TDRD10: variants seen among roughly 807,000 people sequenced by gnomAD.
The protein encoded by TDRD10 is tudor domain-containing protein 10.
Under a neutral mutation model 48.0 loss-of-function variants are expected in TDRD10, and 40 were observed. The ratio of observed to expected loss-of-function variants is 0.83; its 90% confidence interval spans 0.65 to 1.09. The LOEUF (loss-of-function observed/expected upper bound fraction) is 1.09, where lower values mean the gene tolerates loss of function less well. Ranked by LOEUF, TDRD10 falls within the 50% of genes least tolerant of loss-of-function variation. The probability of loss-of-function intolerance (pLI) is 0.00; values close to 1 mark genes in which losing one functional copy is unlikely to be tolerated. For missense variants in TDRD10, 378 were observed against 434.7 expected (o/e 0.87, Z 1.16); for synonymous variants, 162 against 170.4 (o/e 0.95, Z 0.38).
chr1:154,547,754 C>T lies in TDRD10; in HGVS notation c.*44C>T. ...GTTCCCTCTCCTGTTTGCCACGGAT[C>T]CAGAGGCCACCTGCCCTGTCTTCTC... On this transcript the variant is annotated 3_prime_UTR_variant, in exon 13 of 13. Coordinates refer to ENST00000368482, the MANE Select transcript of TDRD10 (RefSeq NM_182499.4). The T allele has an allele frequency of 1.2e-6, 2 of 1,606,760 alleles. No homozygotes were observed. The highest frequency in any genetic ancestry group is 1.7e-6 in the Non-Finnish European group (2 of 1,174,874).
Position 154,502,786 on chromosome 1 carries a change from G to T in TDRD10, c.-271G>T, listed in dbSNP as rs1692864556. ...AGACGTTATTTTTGGCGGTAGGGCA[G>T]AGGTTGCGGCCCGAGGTCCGGGCGC... On this transcript the variant is annotated 5_prime_UTR_variant, in exon 1 of 13. Coordinates refer to ENST00000368482, the MANE Select transcript of TDRD10 (RefSeq NM_182499.4). 1 of 152,340 alleles carries T rather than the reference G, an allele frequency of 6.6e-6. No individual in the cohort carries two copies. Among genetic ancestry groups the T allele is most frequent in the South Asian group, 2.1e-4 (1 of 4,832 alleles). 9.4% of individuals were successfully genotyped at this position (152,340 alleles called of 1,614,324 possible). A position where few individuals can be genotyped will look rare whatever the true frequency, so the allele number is the denominator to read the frequency against.
At chr1:154,533,551 T>C (rs1001515949) in intron 6 of TDRD10, among the ~76,000 whole-genome samples, 5 of 152,248 alleles carry the variant, frequency 3.3e-5, no homozygotes, top group Admixed American at 3.3e-4. Flanking sequence ...TTACATGTAA[T>C]GTCCTGGGCT....
At chr1:154,503,229 AG>A (rs1286274778) in intron 1 of TDRD10, among the ~76,000 whole-genome samples, 200 bp downstream of exon 1, 1 of 151,994 alleles carries the variant, frequency 6.6e-6, no homozygotes, top group Non-Finnish European at 1.5e-5. Flanking sequence ...TGCCGTGTGC[AG>A]AACTGTGGCC....
At chr1:154,510,097 G>A (rs1363653678) in intron 4 of TDRD10, among the ~76,000 whole-genome samples, 1 of 152,112 alleles carries the variant, frequency 6.6e-6, no homozygotes, top group Non-Finnish European at 1.5e-5. Flanking sequence ...TAGAGAAGGA[G>A]TAGGGTTTTA....
chr1:154,510,300 A>C (rs1468473324), intron 4 of TDRD10, among the ~76,000 whole-genome samples: 1 of 151,962 alleles, frequency 6.6e-6, no homozygotes, highest in Non-Finnish European at 1.5e-5. Flanking sequence ...ACTGTCAAGA[A>C]CTGTGAAATG....
At chr1:154,539,823 A>G (rs1695125212) in intron 6 of TDRD10, among the ~76,000 whole-genome samples, 1 of 152,248 alleles carries the variant, frequency 6.6e-6, no homozygotes, top group Non-Finnish European at 1.5e-5. Flanking sequence ...CCGGAGAACT[A>G]AAATATGATG....
At chr1:154,518,935 G>T (rs897609509) in intron 4 of TDRD10, among the ~76,000 whole-genome samples, 4 of 152,182 alleles carry the variant, frequency 2.6e-5, no homozygotes, top group African/African-American at 9.7e-5. Context: ...TAAAACCTGA[G>T]AAGAAAACTA....
Position 154,502,736 on chromosome 1 carries a change from C to T in TDRD10, c.-321C>T. ...GGGAAGGAAGCCCCTCGCCCACCCA[C>T]TCCGCTCTACTCCACTCTTTCTGCA... On this transcript the variant is annotated 5_prime_UTR_variant, in exon 1 of 13. Coordinates refer to ENST00000368482, the MANE Select transcript of TDRD10 (RefSeq NM_182499.4). 6.6e-6 allele frequency: 1 copy of T among 152,270 alleles called. No homozygotes were observed. Among genetic ancestry groups the T allele is most frequent in the East Asian group, 1.9e-4 (1 of 5,186 alleles). The allele number at this position is 152,270 out of a possible 1,614,324, so 9.4% of individuals were successfully genotyped here.
chr1:154,511,400 G>A (rs1181311820), intron 4 of TDRD10, among the ~76,000 whole-genome samples: 3 of 152,030 alleles, frequency 2.0e-5, no homozygotes, highest in Non-Finnish European at 2.9e-5. Context: ...TTGGGAGGCC[G>A]AGGTGGCCGG....
At chr1:154,507,026 G>A (rs1693185778) in intron 2 of TDRD10, 121 bp downstream of exon 2, 1 of 1,596,114 alleles carries the variant, frequency 6.3e-7, no homozygotes, top group East Asian at 2.2e-5. Context: ...CTTGCCAGTT[G>A]ATCCTAACTC....
chr1:154,521,551 A>C, intron 6 of TDRD10, 72 bp downstream of exon 6: 1 of 1,535,728 alleles, frequency 6.5e-7, no homozygotes. Context: ...CTTTGCTTTC[A>C]GTGCTTTCAT....
intron 1 of TDRD10, among the ~76,000 whole-genome samples, chr1:154,505,539 C>A (rs1693099846): frequency 6.6e-6 from 1 of 152,080 alleles, no homozygotes; most frequent in African/African-American, 2.4e-5. Flanking sequence ...CCTCCTACAC[C>A]TGGGAATAAT....
intron 1 of TDRD10, among the ~76,000 whole-genome samples, chr1:154,504,589 T>C (rs997713663): frequency 1.3e-5 from 2 of 152,226 alleles, no homozygotes; most frequent in Admixed American, 6.5e-5. Context: ...TATGAAGTGT[T>C]ATCTTTGTGG....
At position 154,542,790 on chromosome 1, in the gene TDRD10, G is replaced by A. The variant is rs773571378; in HGVS notation, c.472G>A (p.Ala158Thr). ...VDLCETEKLR[A>T]AFFAVPLEMR... ...CCTGTGTGAGACAGAGAAACTGAGG[G>A]CAGCCTTCTTTGCAGTCCCGTTGGA... Residue 158 changes from alanine (A) to threonine (T), a missense_variant, in exon 8 of 13, where the codon GCA (alanine) becomes ACA (threonine). Coordinates refer to ENST00000368482, the MANE Select transcript of TDRD10 (RefSeq NM_182499.4). 2.5e-6 allele frequency: 4 copies of A among 1,613,968 alleles called. No individual in the cohort carries two copies. In the South Asian group the frequency reaches 4.4e-5, roughly 18 times the overall value.
At chr1:154,520,272 G>T (rs1231856974) in intron 4 of TDRD10, 32 bp from the exon 5 acceptor site, 2 of 1,519,662 alleles carry the variant, frequency 1.3e-6, no homozygotes, top group Admixed American at 3.3e-5. Flanking sequence ...TTATGTCTCT[G>T]GGTCTCTCTC....
At chr1:154,539,104 A>T (rs563169887) in intron 6 of TDRD10, among the ~76,000 whole-genome samples, 1 of 152,154 alleles carries the variant, frequency 6.6e-6, no homozygotes, top group African/African-American at 2.4e-5. Context: ...TGGGGTCCAG[A>T]CAGCCTGACT....
At position 154,544,001 on chromosome 1, in the gene TDRD10, G is replaced by A. The variant is rs12750774; in HGVS notation, c.542G>A (p.Arg181Gln). The change falls in exon 9 of 13, where the codon CGA (arginine) becomes CAA (glutamine). Residue 181 changes from arginine (R) to glutamine (Q), a missense_variant. Transcript: ENST00000368482. ...GTGCTGCTCCTGAGGGAATGCTTCC[G>A]AGACCTGAGCTGGCTGGCACTCATC... ...FLVLLLRECF[R>Q]DLSWLALIHS... is the part of the protein sequence containing the mutation. The A allele has an allele frequency of 0.28, 445,030 of 1,613,918 alleles. 66,805 individuals are homozygous for A. The highest frequency in any genetic ancestry group is 0.31 in the Non-Finnish European group (367,949 of 1,179,882).
chr1:154,519,189 C>T (rs1353666555), intron 4 of TDRD10, among the ~76,000 whole-genome samples: 1 of 152,180 alleles, frequency 6.6e-6, no homozygotes, highest in Non-Finnish European at 1.5e-5. Context: ...ATTGCTCGTT[C>T]TCACGAATTG....
chr1:154,511,700 T>A (rs1486079895), intron 4 of TDRD10, among the ~76,000 whole-genome samples: 1 of 151,714 alleles, frequency 6.6e-6, no homozygotes, highest in Non-Finnish European at 1.5e-5. Flanking sequence ...TACAAAAAAT[T>A]AGCTGGGAGT....
Sources: allele counts gnomAD v4.1 joint callset (sites outside exome capture counted in the v4.1 genomes callset), GRCh38; gene constraint gnomAD v4.1.1; transcripts MANE v1.5; gene names NCBI Gene and HGNC (gene_info 2026-07-23, HGNC 2026-07-21).